Variants in MYO5B observed in about 807,000 individuals in gnomAD.
MYO5B encodes the protein myosin VB.
Under a neutral mutation model 229.3 loss-of-function variants are expected in MYO5B, and 143 were observed. The ratio of observed to expected loss-of-function variants is 0.62; its 90% confidence interval spans 0.54 to 0.72. The LOEUF is 0.72. MYO5B is among the 30% of genes least tolerant of loss of function. MYO5B has a pLI of 0.00. For synonymous variants in MYO5B, 918 were observed against 885.2 expected, an observed-to-expected ratio of 1.04 and a Z score of -0.66; for missense variants, 2,321 against 2,331.0, an observed-to-expected ratio of 1.00 and a Z score of 0.09.
chr18:49,940,691 T>G (rs1401408939), intron 14 of MYO5B, among the ~76,000 whole-genome samples: 1 of 152,200 alleles, frequency 6.6e-6, no homozygotes, highest in African/African-American at 2.4e-5. Context: ...CTAGGCCTTT[T>G]GGATAAGATC....
At chr18:49,894,032 C>T (rs1484805985) in intron 22 of MYO5B, among the ~76,000 whole-genome samples, 2 of 152,150 alleles carry the variant, frequency 1.3e-5, no homozygotes, top group African/African-American at 2.4e-5. Context: ...GAACTAAGGC[C>T]AGTGAGGCTT....
At chr18:49,976,995 C>T (rs1428654875) in intron 9 of MYO5B, among the ~76,000 whole-genome samples, 1 of 152,178 alleles carries the variant, frequency 6.6e-6, no homozygotes, top group African/African-American at 2.4e-5. Context: ...AGTGGCCTGC[C>T]AGCAGCTACC....
At chr18:49,850,197 G>A (rs757028891) in intron 31 of MYO5B, 2 of 188,298 alleles carry the variant, frequency 1.1e-5, no homozygotes, top group Non-Finnish European at 1.1e-5. Flanking sequence ...ACAGCAAGCC[G>A]CTGAGGGAGG....
At chr18:50,005,345 C>T (rs752263284) in intron 4 of MYO5B, among the ~76,000 whole-genome samples, 1 of 152,152 alleles carries the variant, frequency 6.6e-6, no homozygotes, top group East Asian at 1.9e-4. Flanking sequence ...TGGTAAGCCA[C>T]GTACCCACAT....
chr18:50,080,030 C>T (rs1360810696), intron 1 of MYO5B, among the ~76,000 whole-genome samples: 15 of 152,140 alleles, frequency 9.9e-5, no homozygotes, highest in African/African-American at 3.6e-4. Flanking sequence ...TACAATTTAG[C>T]CACTTTTAAA....
chr18:49,987,358 T>G (rs1216940564), intron 7 of MYO5B, among the ~76,000 whole-genome samples: 1 of 152,100 alleles, frequency 6.6e-6, no homozygotes, highest in Non-Finnish European at 1.5e-5. Context: ...CTTAGTAAGG[T>G]ACATCCAAAT....
chr18:50,039,392 C>G (rs1342194801), intron 3 of MYO5B, among the ~76,000 whole-genome samples: 1 of 152,050 alleles, frequency 6.6e-6, no homozygotes, highest in Non-Finnish European at 1.5e-5. Context: ...AGTGCAGTGG[C>G]GCGATCTCGG....
intron 2 of MYO5B, among the ~76,000 whole-genome samples, chr18:50,047,673 A>G (rs1872329126): frequency 2.0e-5 from 3 of 152,156 alleles, no homozygotes; most frequent in Non-Finnish European, 2.9e-5. Context: ...CACAATAGCA[A>G]AGACTTGGAA....
chr18:50,088,787 A>T (rs1206688820), intron 1 of MYO5B, among the ~76,000 whole-genome samples: 3 of 152,180 alleles, frequency 2.0e-5, no homozygotes, highest in East Asian at 1.9e-4. Context: ...TTTTCCAGTC[A>T]TTGTTTTGCA....
intron 17 of MYO5B, among the ~76,000 whole-genome samples, chr18:49,928,792 A>G (rs2144193297): frequency 6.6e-6 from 1 of 152,348 alleles, no homozygotes; most frequent in East Asian, 1.9e-4. Flanking sequence ...CAGCCATAAA[A>G]AGGAACAAAA....
At position 49,984,844 on chromosome 18, in the gene MYO5B, T is replaced by C. The variant is rs377708629; in HGVS notation, c.839-19A>G. 21 of 1,533,474 alleles carry C rather than the reference T, an allele frequency of 1.4e-5. No homozygotes were observed. The Middle Eastern group carries it at 5.1e-4, about 37-fold the overall frequency. The allele number at this position is 1,533,474 out of a possible 1,614,324, so 95.0% of individuals were successfully genotyped here. ...GCACTTGCTGTGGGAGGCGAGGAAA[T>C]AAGGCATGAGGCACTGGAGGACACT... On this transcript the variant is annotated intron_variant, in intron 7 of 39. Coordinates refer to ENST00000285039, the MANE Select transcript of MYO5B (RefSeq NM_001080467.3).
rs572095715 is a variant in MYO5B at position 49,992,190 on chromosome 18, A to G, written c.756+98T>C. ...AACTACATTCAATTCCAGGCTCACA[A>G]GAGAGATTCTCTTTGGGTCCAGGGA... On this transcript the variant is annotated intron_variant, in intron 6 of 39. Transcript: ENST00000285039. 7.9e-6 allele frequency: 12 copies of G among 1,513,592 alleles called. No homozygotes were observed. In the African/African-American group the frequency reaches 1.4e-4, roughly 17 times the overall value. The allele number at this position is 1,513,592 out of a possible 1,614,324, so 93.8% of individuals were successfully genotyped here.
rs944556223 is a variant in MYO5B, at chr18:49,877,616, T to A, written c.3396+147A>T. 4.1e-5 allele frequency: 43 copies of A among 1,038,872 alleles called. No individual in the cohort carries two copies. The South Asian group carries it at 4.5e-4, about 11-fold the overall frequency. The allele number at this position is 1,038,872 out of a possible 1,614,324, so 64.4% of individuals were successfully genotyped here. A position where few individuals can be genotyped will look rare whatever the true frequency, so the allele number is the denominator to read the frequency against. The stretch of plus-strand genomic sequence containing the variant: ...AGAACTGTCTCTAAATCCACTGTAG[T>A]CCAAGTGATCCTGCTCTTGAGAATT... On this transcript the variant is annotated intron_variant, in intron 25 of 39. Transcript: ENST00000285039.
intron 4 of MYO5B, among the ~76,000 whole-genome samples, chr18:50,027,784 C>T (rs756583825): frequency 6.6e-6 from 1 of 152,172 alleles, no homozygotes; most frequent in Non-Finnish European, 1.5e-5. Flanking sequence ...ATCTGCAGTG[C>T]ATCAAGCTAG....
chr18:50,111,529 G>T (rs1214355424), intron 1 of MYO5B, among the ~76,000 whole-genome samples: 1 of 152,062 alleles, frequency 6.6e-6, no homozygotes, highest in East Asian at 1.9e-4. Flanking sequence ...ATGTTCCTTG[G>T]GTAAATTTAG....
chr18:49,836,611 G>T, intron 38 of MYO5B, 100 bp downstream of exon 38: 1 of 1,354,670 alleles, frequency 7.4e-7, no homozygotes, highest in East Asian at 2.3e-5. Flanking sequence ...TAAAGGGTGG[G>T]AGTGCAACAC....
intron 4 of MYO5B, among the ~76,000 whole-genome samples, chr18:50,009,812 C>T (rs2026143428): frequency 6.6e-6 from 1 of 152,200 alleles, no homozygotes; most frequent in South Asian, 2.1e-4. Flanking sequence ...ACAAACCCTT[C>T]CAACAAGACA....
intron 1 of MYO5B, among the ~76,000 whole-genome samples, chr18:50,184,430 G>A (rs2033118935): frequency 1.3e-5 from 2 of 152,150 alleles, no homozygotes; most frequent in Admixed American, 1.3e-4. Context: ...ATATCCAAAT[G>A]ATGTTCTGAC....
At chr18:49,907,254 G>A (rs2024909993) in intron 18 of MYO5B, among the ~76,000 whole-genome samples, 1 of 152,168 alleles carries the variant, frequency 6.6e-6, no homozygotes, top group African/African-American at 2.4e-5. Flanking sequence ...GGCAAGCTTT[G>A]AGCAAGGAAA....
Sources: gnomAD v4.1 joint callset for allele counts (sites outside exome capture counted in the v4.1 genomes callset) on GRCh38, gnomAD v4.1.1 for gene constraint, MANE v1.5 for transcripts, NCBI Gene and HGNC (gene_info 2026-07-23, HGNC 2026-07-21) for gene names.